Variants in CFAP54 observed in about 807,000 individuals in gnomAD.
CFAP54 encodes the protein cilia and flagella associated protein 54, also known as cilia- and flagella-associated protein 54.
Under a neutral mutation model 370.4 loss-of-function variants are expected in CFAP54, and 290 were observed. The ratio of observed to expected loss-of-function variants is 0.78; its 90% confidence interval spans 0.71 to 0.86. The LOEUF (loss-of-function observed/expected upper bound fraction) is 0.86. CFAP54 is among the 40% of genes least tolerant of loss of function. CFAP54 has a pLI of 0.00. For synonymous variants in CFAP54, 1,206 were observed against 1,236.5 expected, an observed-to-expected ratio of 0.98 and a Z score of 0.52; for missense variants, 3,399 against 3,528.7, an observed-to-expected ratio of 0.96 and a Z score of 0.93.
At chr12:96,523,610 A>T (rs1195772818) in intron 8 of CFAP54, among the ~76,000 whole-genome samples, 1 of 152,150 alleles carries the variant, frequency 6.6e-6, no homozygotes, top group Non-Finnish European at 1.5e-5. Flanking sequence ...ATTTATAGGC[A>T]ATTCCTTGGA....
rs761916121 is a variant in CFAP54 at position 96,744,122 on chromosome 12, T to C, written c.7660T>C (p.Leu2554=). The part of the protein sequence containing the change: ...KNIYLPHVML[L]AKIKMRIGHT... ...TATCTATCTTCCCCATGTCATGTTA[T>C]TGGCCAAAATAAAAATGAGAATTGG... Residue 2554 remains leucine, a synonymous_variant, in exon 55 of 68, where the codon TTG becomes CTG. Transcript: ENST00000524981. The C allele has an allele frequency of 4.6e-5, 74 of 1,608,128 alleles. 1 individual carries two copies. The South Asian group carries it at 7.4e-4, about 16-fold the overall frequency.
At chr12:96,670,763 G>C (rs970295940) in intron 39 of CFAP54, among the ~76,000 whole-genome samples, 2 of 152,198 alleles carry the variant, frequency 1.3e-5, no homozygotes, top group African/African-American at 4.8e-5. Flanking sequence ...AGTCACATAA[G>C]ATGAGGACGG....
At chr12:96,756,384 C>A in intron 56 of CFAP54, 74 bp from the exon 57 acceptor site, 1 of 787,458 alleles carries the variant, frequency 1.3e-6, no homozygotes, top group Non-Finnish European at 2.0e-6. Flanking sequence ...GAATTTCCAG[C>A]ATGAAATATT....
rs1183369035 is a variant in CFAP54 at position 96,742,486 on chromosome 12, A to G, written c.7119A>G (p.Leu2373=). Residue 2373 remains leucine, a synonymous_variant, in exon 52 of 68, where the codon CTA becomes CTG. Coordinates refer to ENST00000524981, the MANE Select transcript of CFAP54 (RefSeq NM_001306084.2). The part of the protein sequence containing the change: ...DDSEFLDPIS[L]NAREYFNIHL... The stretch of plus-strand genomic sequence containing the variant: ...GTGAGTTTTTAGATCCTATTTCCCT[A>G]AATGCCCGAGAATATTTCAACATTC... 6.2e-7 allele frequency: 1 copy of G among 1,608,428 alleles called. No individual in the cohort carries two copies. The highest frequency in any genetic ancestry group is 8.5e-7 in the Non-Finnish European group (1 of 1,175,468).
chr12:96,850,884 G>A (rs537958010), intron 66 of CFAP54, among the ~76,000 whole-genome samples: 1 of 152,182 alleles, frequency 6.6e-6, no homozygotes, highest in South Asian at 2.1e-4. Flanking sequence ...GAACAGCATG[G>A]AGGAAACCAC....
chr12:96,781,911 G>A (rs1053227045), intron 60 of CFAP54, among the ~76,000 whole-genome samples: 1 of 152,056 alleles, frequency 6.6e-6, no homozygotes, highest in African/African-American at 2.4e-5. Context: ...TGGTTAAAAT[G>A]CTTGTCTCTG....
intron 1 of CFAP54, among the ~76,000 whole-genome samples, chr12:96,492,662 A>G (rs893943257): frequency 2.0e-5 from 3 of 152,232 alleles, no homozygotes; most frequent in African/African-American, 7.2e-5. Flanking sequence ...GACATAATAA[A>G]CATTCAATAA....
At chr12:96,746,544 T>C (rs965645182) in intron 55 of CFAP54, among the ~76,000 whole-genome samples, 1 of 152,238 alleles carries the variant, frequency 6.6e-6, no homozygotes, top group African/African-American at 2.4e-5. Flanking sequence ...TCTCAGGTGC[T>C]GCATTCTCCC....
Position 96,743,823 on chromosome 12 carries a change from C to G in CFAP54, c.7470C>G (p.Thr2490=), listed in dbSNP as rs777809677. Residue 2490 remains threonine, a synonymous_variant, in exon 54 of 68, where the codon ACC becomes ACG. Transcript: ENST00000524981. ...ARSLVLLDDL[T]KAEKFKESPS... ...GCCTAGTTTTGCTGGATGACTTAACCAAAGCTGAGAAATTCAAGGAATCTC... is the reference window on the plus strand; with the variant it reads ...GCCTAGTTTTGCTGGATGACTTAACGAAAGCTGAGAAATTCAAGGAATCTC... 3 of 1,613,810 alleles carry G rather than the reference C, an allele frequency of 1.9e-6. No homozygotes were observed. Among genetic ancestry groups the G allele is most frequent in the Admixed American group, 1.7e-5 (1 of 59,968 alleles).
chr12:96,643,203 C>CA (rs1056846992), intron 32 of CFAP54, among the ~76,000 whole-genome samples: 68 of 152,086 alleles, frequency 4.5e-4, no homozygotes, highest in African/African-American at 1.3e-3. Context: ...TAAACAATGA[C>CA]AAAAAAACCC....
chr12:96,829,017 A>G lies in CFAP54; in HGVS notation c.9100A>G (p.Met3034Val). ...ATTACTATCTTCTTATTTCTAGGAC[A>G]TGATTATTCAATGTTGCTCTGAAAT... ...EESVDNEMED[M>V]IIQCCSEIAS... is the part of the protein sequence containing the mutation. The change falls in exon 66 of 68, where the codon ATG becomes GTG. Residue 3034 changes from methionine to valine, a missense_variant. This residue lies in a region of CFAP54 where 2,796 missense variants were observed against 2,869.7 expected (regional missense o/e 0.97). Coordinates refer to ENST00000524981, the MANE Select transcript of CFAP54 (RefSeq NM_001306084.2). 2.0e-6 allele frequency: 3 copies of G among 1,493,276 alleles called. No homozygotes were observed. Among genetic ancestry groups the G allele is most frequent in the South Asian group, 1.2e-5 (1 of 81,848 alleles). 92.5% of individuals were successfully genotyped at this position (1,493,276 alleles called of 1,614,324 possible).
At chr12:96,861,355 C>A (rs1401625113) in intron 67 of CFAP54, among the ~76,000 whole-genome samples, 1 of 152,164 alleles carries the variant, frequency 6.6e-6, no homozygotes, top group African/African-American at 2.4e-5. Context: ...GTACTAGTGG[C>A]ATCCAGTGAG....
intron 62 of CFAP54, among the ~76,000 whole-genome samples, chr12:96,789,299 G>C (rs1014295185): frequency 6.6e-6 from 1 of 152,214 alleles, no homozygotes; most frequent in Non-Finnish European, 1.5e-5. Context: ...GAAGGAGTGA[G>C]TGAGGACGTG....
At chr12:96,579,035 C>T (rs1196400500) in intron 20 of CFAP54, among the ~76,000 whole-genome samples, 1 of 152,124 alleles carries the variant, frequency 6.6e-6, no homozygotes, top group East Asian at 1.9e-4. Context: ...TTTTACCCTC[C>T]AAATTCTGGT....
chr12:96,687,962 A>G (rs1347117901), intron 42 of CFAP54, among the ~76,000 whole-genome samples: 1 of 152,216 alleles, frequency 6.6e-6, no homozygotes, highest in Non-Finnish European at 1.5e-5. Context: ...TCTGACTGCC[A>G]TAGGAGATGT....
At chr12:96,608,982 A>G (rs1285811931) in intron 26 of CFAP54, among the ~76,000 whole-genome samples, 1 of 152,232 alleles carries the variant, frequency 6.6e-6, no homozygotes, top group African/African-American at 2.4e-5. Flanking sequence ...AAATTACCAG[A>G]TGGGCTAAAA....
chr12:96,664,022 G>A, intron 39 of CFAP54, 90 bp downstream of exon 39: 1 of 957,630 alleles, frequency 1.0e-6, no homozygotes, highest in East Asian at 2.6e-5. Flanking sequence ...TAATTAGTAT[G>A]TTTGTAAAAA....
chr12:96,542,647 C>A (rs1449696622), intron 14 of CFAP54, among the ~76,000 whole-genome samples: 2 of 152,284 alleles, frequency 1.3e-5, no homozygotes, highest in East Asian at 3.8e-4. Context: ...GCAAATACCA[C>A]CCCACCATGT....
rs780037508 is a variant in CFAP54, at chr12:96,651,826, T to C, written c.5100+11T>C. The C allele has an allele frequency of 6.7e-7, 1 of 1,493,722 alleles. No individual in the cohort carries two copies. Among genetic ancestry groups the C allele is most frequent in the South Asian group, 1.2e-5 (1 of 86,618 alleles). 92.5% of individuals were successfully genotyped at this position (1,493,722 alleles called of 1,614,324 possible). The stretch of plus-strand genomic sequence containing the variant: ...ACCAGTTCTATTAAGGTAAAGACAC[T>C]TTGGTAATTATTTTTATTATATTCA... On this transcript the variant is annotated intron_variant, in intron 36 of 67. Transcript: ENST00000524981.
Sources: allele counts gnomAD v4.1 joint callset (sites outside exome capture counted in the v4.1 genomes callset), GRCh38; gene constraint gnomAD v4.1.1; regional missense constraint gnomAD v4.1.1; transcripts MANE v1.5; gene names NCBI Gene and HGNC (gene_info 2026-07-23, HGNC 2026-07-21).